The following EDIL3 variants were observed in gnomAD, a reference collection of about 807,000 sequenced individuals.
EDIL3 encodes the protein EGF-like repeat and discoidin I-like domain-containing protein 3.
EDIL3 carries 37 observed loss-of-function variants against 67.4 expected under a neutral mutation model. The observed-to-expected ratio is 0.55, with a 90% confidence interval of 0.42 to 0.72. EDIL3 has a LOEUF of 0.72. Among genes scored for constraint, EDIL3 ranks in the 30% least tolerant of loss-of-function variants. The pLI, the probability that EDIL3 is intolerant of heterozygous loss-of-function variation, is 0.00. For missense variants in EDIL3, 527 were observed against 586.3 expected, an observed-to-expected ratio of 0.90 and a Z score of 1.04; for synonymous variants, 195 against 196.3, an observed-to-expected ratio of 0.99 and a Z score of 0.05.
chr5:84,209,192 A>G (rs917953176), intron 3 of EDIL3, among the ~76,000 whole-genome samples: 9 of 150,016 alleles, frequency 6.0e-5, no homozygotes, highest in Middle Eastern at 3.2e-3. Context: ...ACATGGACAC[A>G]GGAAGGGGAA....
chr5:84,116,207 A>AAC (rs1367101860), intron 5 of EDIL3, among the ~76,000 whole-genome samples: 1 of 151,482 alleles, frequency 6.6e-6, no homozygotes, highest in Non-Finnish European at 1.5e-5. Context: ...AAAAAAAAAA[A>AAC]AACCCCAAGA....
At chr5:83,992,353 A>T (rs1032164854) in intron 9 of EDIL3, among the ~76,000 whole-genome samples, 1 of 152,206 alleles carries the variant, frequency 6.6e-6, no homozygotes. Context: ...TGATCCAGCA[A>T]TTATCAGGTT....
At chr5:83,946,824 G>A (rs1423341670) in intron 10 of EDIL3, among the ~76,000 whole-genome samples, 1 of 151,854 alleles carries the variant, frequency 6.6e-6, no homozygotes, top group Non-Finnish European at 1.5e-5. Context: ...ATCCCTTGGG[G>A]ACTTCTTGCA....
chr5:84,185,899 CTTAAT>C (rs1014025948), intron 3 of EDIL3, among the ~76,000 whole-genome samples: 7 of 152,138 alleles, frequency 4.6e-5, no homozygotes, highest in Admixed American at 3.3e-4. Context: ...GTTTGAGTTA[CTTAAT>C]TTAACTACTT....
chr5:84,268,074 T>C (rs1333428226), intron 1 of EDIL3, among the ~76,000 whole-genome samples: 1 of 151,904 alleles, frequency 6.6e-6, no homozygotes, highest in Non-Finnish European at 1.5e-5. Context: ...GAGGCAGAGG[T>C]TGCAGTGAGC....
chr5:84,117,743 T>TA (rs1176935142), intron 5 of EDIL3, among the ~76,000 whole-genome samples: 1 of 151,964 alleles, frequency 6.6e-6, no homozygotes, highest in Non-Finnish European at 1.5e-5. Context: ...TTTGGCTTTA[T>TA]AAAAAAGACT....
chr5:83,944,991 G>C (rs538951777), intron 10 of EDIL3, among the ~76,000 whole-genome samples: 10 of 151,840 alleles, frequency 6.6e-5, no homozygotes, highest in Non-Finnish European at 1.5e-4. Flanking sequence ...GGCTAGATTG[G>C]TTCAGTCTTA....
chr5:84,294,582 A>G (rs991860696), intron 1 of EDIL3, among the ~76,000 whole-genome samples: 3 of 152,034 alleles, frequency 2.0e-5, no homozygotes, highest in Admixed American at 6.6e-5. Context: ...ATACATGTTT[A>G]TCACACTCAA....
intron 1 of EDIL3, among the ~76,000 whole-genome samples, chr5:84,272,562 CA>C (rs1580048747): frequency 6.6e-6 from 1 of 151,882 alleles, no homozygotes; most frequent in East Asian, 1.9e-4. Context: ...ATTTAATACA[CA>C]AAATAAACAT....
chr5:83,996,519 G>A (rs1181404924), intron 9 of EDIL3, among the ~76,000 whole-genome samples: 1 of 152,164 alleles, frequency 6.6e-6, no homozygotes. Context: ...CATAGCAACA[G>A]TGACAGTATG....
intron 4 of EDIL3, among the ~76,000 whole-genome samples, chr5:84,145,084 G>C (rs1301130474): frequency 1.3e-5 from 2 of 152,070 alleles, no homozygotes; most frequent in African/African-American, 2.4e-5. Context: ...CCTGTTCTAA[G>C]AGATCATTCA....
intron 1 of EDIL3, among the ~76,000 whole-genome samples, chr5:84,294,309 C>G (rs138387035): frequency 0.094 from 13,743 of 146,166 alleles, 763 homozygotes; most frequent in South Asian, 0.21. Flanking sequence ...GGCATGAACC[C>G]GGGAGGTGGA....
intron 2 of EDIL3, among the ~76,000 whole-genome samples, chr5:84,233,202 C>T (rs1413659039): frequency 6.6e-6 from 1 of 152,260 alleles, no homozygotes; most frequent in Admixed American, 6.5e-5. Flanking sequence ...ATATATCAGA[C>T]ATATAGAATT....
chr5:84,061,761 T>C (rs1469004059), intron 8 of EDIL3, among the ~76,000 whole-genome samples: 4 of 152,168 alleles, frequency 2.6e-5, no homozygotes, highest in Admixed American at 2.0e-4. Flanking sequence ...TGTTAACTAT[T>C]TGTATGATTT....
chr5:84,199,055 T>C (rs1382050480), intron 3 of EDIL3, among the ~76,000 whole-genome samples: 2 of 152,068 alleles, frequency 1.3e-5, no homozygotes, highest in Admixed American at 6.6e-5. Context: ...TTTTCTAGTT[T>C]ATTAGGATCT....
chr5:84,230,915 C>T (rs1396967334), intron 2 of EDIL3, among the ~76,000 whole-genome samples: 1 of 152,062 alleles, frequency 6.6e-6, no homozygotes, highest in African/African-American at 2.4e-5. Flanking sequence ...GACTTATGTT[C>T]TGCAACCCAC....
chr5:84,157,266 C>G (rs1352338560), intron 4 of EDIL3, among the ~76,000 whole-genome samples: 1 of 151,756 alleles, frequency 6.6e-6, no homozygotes, highest in Admixed American at 6.6e-5. Flanking sequence ...ACAACAAACC[C>G]CCAAGACACG....
chr5:84,273,920 T>G (rs1745523394), intron 1 of EDIL3, among the ~76,000 whole-genome samples: 1 of 152,284 alleles, frequency 6.6e-6, no homozygotes, highest in East Asian at 1.9e-4. Context: ...CCAGTACTTG[T>G]TAATATTCTT....
At chr5:84,240,462 G>A (rs762630288) in intron 2 of EDIL3, among the ~76,000 whole-genome samples, 6 of 152,270 alleles carry the variant, frequency 3.9e-5, no homozygotes, top group Non-Finnish European at 7.4e-5. Flanking sequence ...GCATGAACCG[G>A]TATGGGTCCC....
Sources: allele counts gnomAD v4.1 joint callset (sites outside exome capture counted in the v4.1 genomes callset), GRCh38; gene constraint gnomAD v4.1.1; transcripts MANE v1.5; gene names NCBI Gene and HGNC (gene_info 2026-07-23, HGNC 2026-07-21).